RANBP2: variants seen among roughly 807,000 people sequenced by gnomAD.
RANBP2 encodes RAN binding protein 2.
Under a neutral mutation model 303.6 loss-of-function variants are expected in RANBP2, and 57 were observed. That is an observed-to-expected ratio of 0.19 (90% CI 0.15 to 0.23). RANBP2 has a LOEUF of 0.23. RANBP2 is among the 10% of genes least tolerant of loss of function. The pLI is 1.00. For missense variants in RANBP2, 3,138 were observed against 3,780.8 expected (o/e 0.83, Z 4.46); for synonymous variants, 1,167 against 1,301.5 (o/e 0.90, Z 2.23).
chr2:109,545,537 G>C, the RANBP2 span: 5 of 1,535,652 alleles, frequency 3.3e-6, no homozygotes, highest in Non-Finnish European at 3.5e-6. Flanking sequence ...TCGACAGCCT[G>C]GTTCCCTTAT....
the RANBP2 span, among the ~76,000 whole-genome samples, chr2:109,111,601 T>A: frequency 6.6e-6 from 1 of 152,026 alleles, no homozygotes; most frequent in Middle Eastern, 3.4e-3. Context: ...TTTTCTTTTT[T>A]TTTTTTTAGG....
At chr2:109,644,168 G>A in the RANBP2 span, among the ~76,000 whole-genome samples, 6,839 of 148,028 alleles carry the variant, frequency 0.046, 162 homozygotes, top group South Asian at 0.099. Flanking sequence ...TTAGCCAGGC[G>A]TGGTGGTGCA....
At chr2:109,001,610 T>C in the RANBP2 span, among the ~76,000 whole-genome samples, 10 of 152,260 alleles carry the variant, frequency 6.6e-5, no homozygotes, top group African/African-American at 1.9e-4. Flanking sequence ...AGATCCCTCA[T>C]GTCCCCTGGC....
the RANBP2 span, among the ~76,000 whole-genome samples, chr2:109,361,629 A>G: frequency 6.6e-6 from 1 of 152,076 alleles, no homozygotes; most frequent in Non-Finnish European, 1.5e-5. Context: ...ATACGCCACC[A>G]TGCCCGGCTA....
the RANBP2 span, among the ~76,000 whole-genome samples, chr2:109,240,957 A>G: frequency 6.7e-6 from 1 of 149,028 alleles, no homozygotes; most frequent in Admixed American, 6.8e-5. Context: ...ACCTCCTTAT[A>G]ATCCACATCC....
At chr2:109,594,462 A>G in the RANBP2 span, among the ~76,000 whole-genome samples, 1 of 151,690 alleles carries the variant, frequency 6.6e-6, no homozygotes, top group Non-Finnish European at 1.5e-5. Flanking sequence ...ACTGCTCTGC[A>G]CTGTGGTTTT....
At chr2:109,347,643 C>T in the RANBP2 span, 1 of 1,605,206 alleles carries the variant, frequency 6.2e-7, no homozygotes, top group African/African-American at 1.3e-5. Context: ...AGGGGCATGC[C>T]CGGTGACCAC....
At chr2:109,133,644 T>C in the RANBP2 span, among the ~76,000 whole-genome samples, 3 of 152,198 alleles carry the variant, frequency 2.0e-5, no homozygotes, top group Non-Finnish European at 1.5e-5. Context: ...TGTTTGATGT[T>C]CTCATTTACA....
the RANBP2 span, among the ~76,000 whole-genome samples, chr2:108,928,623 T>C: frequency 6.6e-6 from 1 of 152,160 alleles, no homozygotes; most frequent in Non-Finnish European, 1.5e-5. Flanking sequence ...TGGCTCAGGA[T>C]TTTCTGGGGA....
the RANBP2 span, among the ~76,000 whole-genome samples, chr2:109,464,915 A>G: frequency 6.6e-6 from 1 of 152,342 alleles, no homozygotes; most frequent in East Asian, 1.9e-4. Flanking sequence ...GTCCAGCATT[A>G]TAGTATCATA....
the RANBP2 span, among the ~76,000 whole-genome samples, chr2:109,222,340 T>C: frequency 6.6e-6 from 1 of 152,194 alleles, no homozygotes; most frequent in Non-Finnish European, 1.5e-5. Context: ...TAAAAGAGAT[T>C]TGAATATGTC....
chr2:109,409,878 C>G, the RANBP2 span, among the ~76,000 whole-genome samples: 6 of 152,120 alleles, frequency 3.9e-5, no homozygotes, highest in African/African-American at 1.4e-4. Flanking sequence ...ATGAATAATG[C>G]ATGCCCATTT....
chr2:108,853,923 T>C, the RANBP2 span, among the ~76,000 whole-genome samples: 2 of 122,556 alleles, frequency 1.6e-5, no homozygotes, highest in Non-Finnish European at 1.6e-5. Context: ...AGTATATATA[T>C]TATATATAAT....
At chr2:109,346,011 G>A in the RANBP2 span, among the ~76,000 whole-genome samples, 1 of 152,232 alleles carries the variant, frequency 6.6e-6, no homozygotes, top group African/African-American at 2.4e-5. Flanking sequence ...CTGTGTGGCA[G>A]TGGAATTATT....
the RANBP2 span, among the ~76,000 whole-genome samples, chr2:109,363,334 G>A: frequency 1.3e-5 from 2 of 152,048 alleles, no homozygotes; most frequent in Non-Finnish European, 2.9e-5. Flanking sequence ...AGCAGTATGA[G>A]TACTTGTAAT....
At chr2:109,227,432 C>G in the RANBP2 span, among the ~76,000 whole-genome samples, 1 of 152,182 alleles carries the variant, frequency 6.6e-6, no homozygotes, top group African/African-American at 2.4e-5. Flanking sequence ...CAAGTTCTCA[C>G]AGTCAAGTAA....
chr2:109,688,624 C>A, the RANBP2 span, among the ~76,000 whole-genome samples: 1 of 151,386 alleles, frequency 6.6e-6, no homozygotes, highest in Admixed American at 6.6e-5. Flanking sequence ...ACTAAAAATA[C>A]AAAAATTAGC....
the RANBP2 span, chr2:109,564,292 C>G: frequency 7.7e-7 from 1 of 1,299,464 alleles, no homozygotes. Context: ...CATGCCCCAT[C>G]ATCCTGGATA....
intron 3 of RANBP2, 128 bp downstream of exon 3, chr2:108,731,013 C>T (rs191630090): frequency 0.088 from 106,082 of 1,205,368 alleles, 4,885 homozygotes; most frequent in Non-Finnish European, 0.098. Context: ...AGTACAGTTA[C>T]GTGACACAGC....
Sources: gnomAD v4.1 joint callset for allele counts (sites outside exome capture counted in the v4.1 genomes callset) on GRCh38, gnomAD v4.1.1 for gene constraint, MANE v1.5 for transcripts, NCBI Gene and HGNC (gene_info 2026-07-23, HGNC 2026-07-21) for gene names.